Variants in RBX1 observed in about 807,000 individuals in gnomAD.
The protein encoded by RBX1 is ring-box 1, also known as E3 ubiquitin-protein ligase RBX1.
For synonymous variants in RBX1, 48 were observed against 47.9 expected (o/e 1.00, Z -0.01); for missense variants, 46 against 141.4 (o/e 0.33, Z 3.42).
Position 40,953,488 on chromosome 22 carries a change from G to A in RBX1, c.79-67G>A. On this transcript the variant is annotated intron_variant, in intron 1 of 4. Coordinates refer to ENST00000216225, the MANE Select transcript of RBX1 (RefSeq NM_014248.4). ...GAGATGATAACTGCAGCTGCAGCCT[G>A]AGGTCCTAAAGAGTATGTGTGTGTG... 7.6e-6 allele frequency: 8 copies of A among 1,046,384 alleles called. No individual in the cohort carries two copies. The South Asian group carries it at 1.0e-4, about 13-fold the overall frequency. The allele number at this position is 1,046,384 out of a possible 1,614,324, so 64.8% of individuals were successfully genotyped here. A position where few individuals can be genotyped will look rare whatever the true frequency, so the allele number is the denominator to read the frequency against.
At position 40,951,392 on chromosome 22, in the gene RBX1, T is replaced by A; in HGVS notation, c.-7T>A. 6.2e-7 allele frequency: 1 copy of A among 1,612,302 alleles called. No individual in the cohort carries two copies. Among genetic ancestry groups the A allele is most frequent in the South Asian group, 1.1e-5 (1 of 90,982 alleles). ...GGTGGTCGGACGACAGACCGTGTGTTTCCAAAATGGCGGCAGCGATGGATG... is the reference window on the plus strand; with the variant it reads ...GGTGGTCGGACGACAGACCGTGTGTATCCAAAATGGCGGCAGCGATGGATG... On this transcript the variant is annotated 5_prime_UTR_variant, in exon 1 of 5. Transcript: ENST00000216225.
intron 4 of RBX1, among the ~76,000 whole-genome samples, chr22:40,968,865 A>G (rs1296121631): frequency 7.7e-6 from 1 of 129,820 alleles, no homozygotes; most frequent in African/African-American, 2.9e-5. Flanking sequence ...TTTTTTTTTC[A>G]TTTTGTACAT....
chr22:40,960,648 GAGGATCCAGCT>G (rs2058337363), intron 2 of RBX1, among the ~76,000 whole-genome samples: 1 of 152,114 alleles, frequency 6.6e-6, no homozygotes, highest in Non-Finnish European at 1.5e-5. Flanking sequence ...CTCTAAGTTA[GAGGATCCAGCT>G]TAAAGGACAT....
At chr22:40,971,671 C>T (rs2058369379) in intron 4 of RBX1, among the ~76,000 whole-genome samples, 1 of 152,080 alleles carries the variant, frequency 6.6e-6, no homozygotes, top group South Asian at 2.1e-4. Flanking sequence ...GTTCTCTTGC[C>T]TCAGTCTCCT....
chr22:40,971,746 G>A (rs564026560), intron 4 of RBX1, among the ~76,000 whole-genome samples: 3 of 151,976 alleles, frequency 2.0e-5, no homozygotes, highest in Admixed American at 6.6e-5. Flanking sequence ...TAGTAGAGAC[G>A]GGGTTTCACC....
intron 2 of RBX1, among the ~76,000 whole-genome samples, chr22:40,959,402 C>T (rs183938202): frequency 2.4e-4 from 36 of 152,346 alleles, no homozygotes; most frequent in Non-Finnish European, 4.0e-4. Flanking sequence ...GTATTGAGCA[C>T]ATTTTACACT....
chr22:40,968,085 CTTTTT>C (rs938566744), intron 4 of RBX1, among the ~76,000 whole-genome samples: 1 of 111,208 alleles, frequency 9.0e-6, no homozygotes, highest in African/African-American at 3.4e-5. Context: ...GTTTCCCAAC[CTTTTT>C]TTTTTTTTTT....
At chr22:40,957,189 T>C (rs1021648149) in intron 2 of RBX1, among the ~76,000 whole-genome samples, 4 of 146,782 alleles carry the variant, frequency 2.7e-5, no homozygotes, top group African/African-American at 1.0e-4. Context: ...CTACTAAAAA[T>C]ACAAAATTAG....
chr22:40,965,463 C>T (rs371228022), intron 3 of RBX1, among the ~76,000 whole-genome samples: 5 of 144,354 alleles, frequency 3.5e-5, no homozygotes, highest in East Asian at 2.1e-4. Context: ...TTTTTTGAGA[C>T]GGAGTCTCAC....
At chr22:40,965,070 C>G (rs895855643) in intron 3 of RBX1, among the ~76,000 whole-genome samples, 3 of 152,088 alleles carry the variant, frequency 2.0e-5, no homozygotes, top group Non-Finnish European at 2.9e-5. Flanking sequence ...TCTGGGAGGC[C>G]GAGGCGGGTG....
chr22:40,953,787 G>A (rs1024125873), intron 2 of RBX1, among the ~76,000 whole-genome samples, 154 bp downstream of exon 2: 3 of 152,070 alleles, frequency 2.0e-5, no homozygotes, highest in African/African-American at 7.2e-5. Context: ...GTTTGAAATA[G>A]AGTAGTTTTT....
intron 3 of RBX1, among the ~76,000 whole-genome samples, chr22:40,964,962 T>C (rs2058350069): frequency 6.6e-6 from 1 of 152,140 alleles, no homozygotes; most frequent in African/African-American, 2.4e-5. Context: ...TATGTTAAAA[T>C]GTGATTAAAC....
At chr22:40,960,965 T>C (rs1032454463) in intron 2 of RBX1, among the ~76,000 whole-genome samples, 3 of 152,046 alleles carry the variant, frequency 2.0e-5, no homozygotes, top group African/African-American at 7.2e-5. Flanking sequence ...AGTTTCGCCA[T>C]GTTGGCCAGG....
At chr22:40,964,403 A>C (rs1300725887) in intron 3 of RBX1, 1 of 306,662 alleles carries the variant, frequency 3.3e-6, no homozygotes, top group Non-Finnish European at 6.2e-6. Flanking sequence ...CAAAACCTAC[A>C]TGCACCCTTT....
chr22:40,964,886 C>T (rs1389950819), intron 3 of RBX1, among the ~76,000 whole-genome samples: 3 of 152,154 alleles, frequency 2.0e-5, no homozygotes, highest in Non-Finnish European at 4.4e-5. Flanking sequence ...GTCTCCAATC[C>T]TGGGTTCCCT....
intron 3 of RBX1, among the ~76,000 whole-genome samples, chr22:40,964,643 G>A (rs1385892206): frequency 6.6e-6 from 1 of 152,204 alleles, no homozygotes; most frequent in Non-Finnish European, 1.5e-5. Flanking sequence ...TGACAGCTGT[G>A]AAGGATAACA....
chr22:40,954,371 TAATAAA>T (rs2058319425), intron 2 of RBX1, among the ~76,000 whole-genome samples: 2 of 151,904 alleles, frequency 1.3e-5, no homozygotes, highest in African/African-American at 4.8e-5. Context: ...GGCCCAAACA[TAATAAA>T]AAGGAAATCA....
intron 3 of RBX1, among the ~76,000 whole-genome samples, chr22:40,964,836 G>A (rs1349906258): frequency 6.6e-6 from 1 of 152,134 alleles, no homozygotes; most frequent in African/African-American, 2.4e-5. Flanking sequence ...CCCTGTCTTT[G>A]TGACTTACTT....
At chr22:40,953,675 CAG>C in intron 2 of RBX1, 42 bp downstream of exon 2, 1 of 1,387,766 alleles carries the variant, frequency 7.2e-7, no homozygotes, top group African/African-American at 1.4e-5. Flanking sequence ...GAGAAGGTTG[CAG>C]AGATTGTGGC....
Sources: allele counts gnomAD v4.1 joint callset (sites outside exome capture counted in the v4.1 genomes callset), GRCh38; gene constraint gnomAD v4.1.1; transcripts MANE v1.5; gene names NCBI Gene and HGNC (gene_info 2026-07-23, HGNC 2026-07-21).